Variants in PNLIP observed in about 807,000 individuals in gnomAD.
PNLIP encodes the protein pancreatic lipase.
PNLIP carries 49 observed loss-of-function variants against 57.1 expected under a neutral mutation model. That is an observed-to-expected ratio of 0.86 (90% confidence interval 0.68 to 1.09). The LOEUF is 1.09. PNLIP is among the 50% of genes least tolerant of loss of function. The pLI, the probability that PNLIP is intolerant of heterozygous loss-of-function variation, is 0.00. For synonymous variants in PNLIP, 209 were observed against 200.4 expected (o/e 1.04, Z -0.36); for missense variants, 503 against 570.2 (o/e 0.88, Z 1.20).
At chr10:116,555,148 A>G (rs1285786676) in intron 6 of PNLIP, 30 bp from the exon 7 acceptor site, 2 of 1,613,546 alleles carry the variant, frequency 1.2e-6, no homozygotes, top group Non-Finnish European at 8.5e-7. Context: ...AGGACTTGTC[A>G]TAATTCATGA....
intron 10 of PNLIP, among the ~76,000 whole-genome samples, chr10:116,559,953 T>C (rs923855072): frequency 6.6e-6 from 1 of 152,110 alleles, no homozygotes; most frequent in African/African-American, 2.4e-5. Flanking sequence ...CAATGAAAAG[T>C]TGAATTATAG....
chr10:116,560,518 T>C lies in PNLIP; in HGVS notation c.1163T>C (p.Ile388Thr). 1 of 1,464,100 alleles carries C rather than the reference T, an allele frequency of 6.8e-7. No individual in the cohort carries two copies. Among genetic ancestry groups the C allele is most frequent in the Non-Finnish European group, 9.5e-7 (1 of 1,056,190 alleles). The allele number at this position is 1,464,100 out of a possible 1,614,324, so 90.7% of individuals were successfully genotyped here. Residue 388 changes from isoleucine to threonine, a missense_variant, in exon 11 of 13, where the codon ATT becomes ACT. Transcript: ENST00000369221. The stretch of plus-strand genomic sequence containing the variant: ...AAAGGAAACTCTAAGCAGTATGAAA[T>C]TTTCAAGTGAGTAAAATAATATTGC... The part of the protein sequence containing the change: ...GNKGNSKQYE[I>T]FKGTLKPDST...
chr10:116,564,904 T>C (rs1165516348), intron 12 of PNLIP, among the ~76,000 whole-genome samples: 1 of 151,804 alleles, frequency 6.6e-6, no homozygotes, highest in Non-Finnish European at 1.5e-5. Context: ...CAAAGGATAA[T>C]AGCAAGTAAA....
At chr10:116,560,627 G>A (rs1481406936) in intron 11 of PNLIP, 103 bp downstream of exon 11, 1 of 579,112 alleles carries the variant, frequency 1.7e-6, no homozygotes, top group African/African-American at 1.9e-5. Flanking sequence ...ACCCAGGCTG[G>A]AGTGTAGTGG....
chr10:116,563,059 T>G (rs1847330564), intron 12 of PNLIP, among the ~76,000 whole-genome samples: 2 of 152,218 alleles, frequency 1.3e-5, no homozygotes, highest in East Asian at 3.9e-4. Context: ...GAATAATCAA[T>G]CGACACCAAA....
At position 116,555,471 on chromosome 10, in the gene PNLIP, C is replaced by T. The variant is rs756632223; in HGVS notation, c.775C>T (p.Leu259Phe). 2 of 1,614,044 alleles carry T rather than the reference C, an allele frequency of 1.2e-6. No individual in the cohort carries two copies. Among genetic ancestry groups the T allele is most frequent in the Non-Finnish European group, 8.5e-7 (1 of 1,179,906 alleles). ...AATGCCTGGATGTAAAAAGAACATT[C>T]TCTCTCAGATTGTGGACATAGACGG... ...VEMPGCKKNI[L>F]SQIVDIDGIW... The change falls in exon 8 of 13, where the codon CTC becomes TTC. Residue 259 changes from leucine to phenylalanine, a missense_variant. Leu to Phe is a conservative substitution (Grantham distance 22, BLOSUM62 0). Transcript: ENST00000369221.
At chr10:116,558,774 G>C (rs1847283372) in intron 9 of PNLIP, among the ~76,000 whole-genome samples, 1 of 151,772 alleles carries the variant, frequency 6.6e-6, no homozygotes, top group African/African-American at 2.4e-5. Context: ...ACAGGCGCCT[G>C]CCACCATGCT....
chr10:116,561,715 A>T (rs1024901620), intron 12 of PNLIP, 79 bp downstream of exon 12: 33 of 1,281,150 alleles, frequency 2.6e-5, no homozygotes, highest in African/African-American at 8.9e-5. Flanking sequence ...GTCTAATTTA[A>T]GTGAAACCTC....
chr10:116,555,065 A>AT, intron 6 of PNLIP, 113 bp from the exon 7 acceptor site: 3 of 1,185,916 alleles, frequency 2.5e-6, no homozygotes, highest in Non-Finnish European at 3.7e-6. Context: ...TCTTCAGCAA[A>AT]TGGTCAGGTA....
chr10:116,561,350 A>G lies in PNLIP; in HGVS notation c.1170-122A>G, dbSNP rs112339473. 22 of 627,408 alleles carry G rather than the reference A, an allele frequency of 3.5e-5. No individual in the cohort carries two copies. The African/African-American group carries it at 3.7e-4, about 11-fold the overall frequency. The allele number at this position is 627,408 out of a possible 1,614,324, so 38.9% of individuals were successfully genotyped here. ...ATCACCTTAGCCAGAAATGCATTGT[A>G]AGCTGGTCTTAGAAACATAAATGTG... On this transcript the variant is annotated intron_variant, in intron 11 of 12. Transcript: ENST00000369221.
chr10:116,558,053 C>G (rs1212925108), intron 9 of PNLIP, among the ~76,000 whole-genome samples: 2 of 151,066 alleles, frequency 1.3e-5, no homozygotes, highest in Non-Finnish European at 2.9e-5. Context: ...AAGATCGAGA[C>G]CATCCTGGCT....
chr10:116,548,021 C>T (rs1262365187), intron 3 of PNLIP, among the ~76,000 whole-genome samples: 2 of 151,576 alleles, frequency 1.3e-5, no homozygotes, highest in Non-Finnish European at 1.5e-5. Context: ...TTTATGTAAT[C>T]TCCTATTATA....
At position 116,548,434 on chromosome 10, in the gene PNLIP, T is replaced by C. The variant is rs1264706035; in HGVS notation, c.276T>C (p.His92=). The change falls in exon 4 of 13, where the codon CAT becomes CAC. Residue 92 remains histidine, a synonymous_variant. Coordinates refer to ENST00000369221, the MANE Select transcript of PNLIP (RefSeq NM_000936.4). The part of the protein sequence containing the change: ...KTNRKTRFII[H]GFIDKGEENW... ...ATAGAAAAACTCGCTTTATTATTCA[T>C]GGATTCATAGACAAGGGAGAAGAAA... The C allele has an allele frequency of 1.2e-6, 2 of 1,614,072 alleles. No individual in the cohort carries two copies. The highest frequency in any genetic ancestry group is 2.2e-5 in the East Asian group (1 of 44,874).
At chr10:116,555,944 C>T (rs1378877470) in intron 8 of PNLIP, 56 bp from the exon 9 acceptor site, 27 of 1,054,534 alleles carry the variant, frequency 2.6e-5, no homozygotes, top group South Asian at 1.3e-4. Context: ...CTGAATATGA[C>T]GTTAACTTGG....
chr10:116,550,385 AAAG>A (rs1259970545), intron 4 of PNLIP, among the ~76,000 whole-genome samples: 1 of 152,102 alleles, frequency 6.6e-6, no homozygotes, highest in Non-Finnish European at 1.5e-5. Context: ...GAAAAAAAAA[AAAG>A]AAGCTATACA....
intron 6 of PNLIP, 117 bp downstream of exon 6, chr10:116,553,955 A>G (rs934904030): frequency 4.0e-5 from 22 of 543,352 alleles, no homozygotes; most frequent in South Asian, 1.7e-4. Context: ...AAAAAAAAAA[A>G]AAAGAAAAAA....
At chr10:116,547,598 C>T (rs568620645) in intron 3 of PNLIP, 150 bp downstream of exon 3, 60 of 614,284 alleles carry the variant, frequency 9.8e-5, no homozygotes, top group African/African-American at 7.9e-4. Flanking sequence ...TGGTGGCAGG[C>T]GCCTGTAGTC....
chr10:116,547,607 T>G (rs1847142881), intron 3 of PNLIP, among the ~76,000 whole-genome samples, 159 bp downstream of exon 3: 1 of 150,910 alleles, frequency 6.6e-6, no homozygotes, highest in Admixed American at 6.6e-5. Flanking sequence ...GCGCCTGTAG[T>G]CCCAGCTACT....
intron 2 of PNLIP, among the ~76,000 whole-genome samples, chr10:116,547,048 G>C (rs117610222): frequency 6.6e-6 from 1 of 152,282 alleles, no homozygotes; most frequent in East Asian, 1.9e-4. Flanking sequence ...GTCCCACGTT[G>C]GGATTGGGCA....
Sources: allele counts gnomAD v4.1 joint callset (sites outside exome capture counted in the v4.1 genomes callset), GRCh38; gene constraint gnomAD v4.1.1; transcripts MANE v1.5; gene names NCBI Gene and HGNC (gene_info 2026-07-23, HGNC 2026-07-21).